C4BPA: variants seen among roughly 807,000 people sequenced by gnomAD.
C4BPA encodes the protein complement component 4 binding protein alpha, also known as C4b-binding protein alpha chain.
Under a neutral mutation model 63.7 loss-of-function variants are expected in C4BPA, and 31 were observed. The ratio of observed to expected loss-of-function variants is 0.49; its 90% CI spans 0.37 to 0.66. C4BPA has a LOEUF of 0.66. Ranked by LOEUF, C4BPA falls within the 30% of genes least tolerant of loss-of-function variation. The probability of loss-of-function intolerance (pLI) is 0.00; values close to 1 mark genes in which losing one functional copy is unlikely to be tolerated. For missense variants in C4BPA, 572 were observed against 723.3 expected, an observed-to-expected ratio of 0.79 and a Z score of 2.40; for synonymous variants, 259 against 254.7, an observed-to-expected ratio of 1.02 and a Z score of -0.16.
At chr1:207,128,791 G>T (rs73079140) in intron 7 of C4BPA, among the ~76,000 whole-genome samples, 8,896 of 152,178 alleles carry the variant, frequency 0.058, 574 homozygotes, top group African/African-American at 0.16. Flanking sequence ...AACAACAACA[G>T]ATCCCAAAGG....
chr1:207,142,918 G>A (rs897499164), intron 10 of C4BPA, among the ~76,000 whole-genome samples: 43 of 152,054 alleles, frequency 2.8e-4, no homozygotes, highest in African/African-American at 1.0e-3. Flanking sequence ...CATTGTGGAA[G>A]ACAGTGTGGC....
At chr1:207,107,244 A>G (rs758306428) in intron 1 of C4BPA, among the ~76,000 whole-genome samples, 5 of 152,192 alleles carry the variant, frequency 3.3e-5, no homozygotes, top group Non-Finnish European at 5.9e-5. Flanking sequence ...AAATGCTTGC[A>G]GGTGTTTTTT....
chr1:207,141,036 T>C, intron 9 of C4BPA, 70 bp from the exon 10 acceptor site: 1 of 1,218,102 alleles, frequency 8.2e-7, no homozygotes, highest in Admixed American at 2.2e-5. Context: ...AAACTACATG[T>C]ATTCTGCAAT....
chr1:207,129,964 C>G (rs1685126777), intron 7 of C4BPA, among the ~76,000 whole-genome samples: 1 of 152,062 alleles, frequency 6.6e-6, no homozygotes, highest in Non-Finnish European at 1.5e-5. Flanking sequence ...TCCCTCCTAC[C>G]TTTCTTGTGA....
chr1:207,117,905 G>A lies in C4BPA; in HGVS notation c.428+2390G>A, dbSNP rs568497857. Among the ~76,000 whole-genome samples, 283 of 152,174 alleles carry A rather than the reference G, an allele frequency of 1.9e-3. 1 individual carries two copies. The highest frequency in any genetic ancestry group is 6.6e-3 in the African/African-American group (275 of 41,512). On this transcript the variant is annotated intron_variant, in intron 4 of 11. Transcript: ENST00000367070. Reference sequence around the variant, plus strand: ...AAAAAACAATCTTTATGCCAAACTGGTCTATTTTGGCATATTCTGCTACCC... The same window carrying A: ...AAAAAACAATCTTTATGCCAAACTGATCTATTTTGGCATATTCTGCTACCC...
chr1:207,126,524 T>A (rs965904256), intron 6 of C4BPA, among the ~76,000 whole-genome samples, 189 bp from the exon 7 acceptor site: 2 of 147,896 alleles, frequency 1.4e-5, no homozygotes, highest in Non-Finnish European at 3.0e-5. Flanking sequence ...ATATATATAT[T>A]ATATATACAG....
intron 4 of C4BPA, among the ~76,000 whole-genome samples, chr1:207,117,598 T>C (rs1684831137): frequency 6.6e-6 from 1 of 152,164 alleles, no homozygotes. Context: ...TAAGTTGACA[T>C]GAAACAGATT....
At chr1:207,117,828 G>T (rs1210782232) in intron 4 of C4BPA, among the ~76,000 whole-genome samples, 1 of 152,146 alleles carries the variant, frequency 6.6e-6, no homozygotes, top group Non-Finnish European at 1.5e-5. Flanking sequence ...AAGAAAAGGG[G>T]AGGTCAGAGT....
chr1:207,122,184 G>A (rs1037278722), intron 4 of C4BPA, among the ~76,000 whole-genome samples: 3 of 152,146 alleles, frequency 2.0e-5, no homozygotes, highest in African/African-American at 7.2e-5. Context: ...TTGGTTGGCT[G>A]TAGTTTGTCC....
At chr1:207,143,440 A>C (rs1434405347) in intron 10 of C4BPA, among the ~76,000 whole-genome samples, 1 of 152,208 alleles carries the variant, frequency 6.6e-6, no homozygotes, top group Non-Finnish European at 1.5e-5. Flanking sequence ...CCTATGTAAC[A>C]AACCTGTAGA....
At chr1:207,144,375 C>T (rs1221146503) in intron 11 of C4BPA, among the ~76,000 whole-genome samples, 169 bp from the exon 12 acceptor site, 3 of 152,198 alleles carry the variant, frequency 2.0e-5, no homozygotes, top group Admixed American at 2.0e-4. Context: ...CCATGTTCCC[C>T]TGGGGAAGAC....
At chr1:207,109,061 G>A (rs1352599068) in intron 1 of C4BPA, among the ~76,000 whole-genome samples, 1 of 152,122 alleles carries the variant, frequency 6.6e-6, no homozygotes, top group Non-Finnish European at 1.5e-5. Context: ...TATGGATGTG[G>A]ATGACTTCCT....
At chr1:207,129,001 A>G (rs1316064773) in intron 7 of C4BPA, among the ~76,000 whole-genome samples, 1 of 152,234 alleles carries the variant, frequency 6.6e-6, no homozygotes, top group East Asian at 1.9e-4. Context: ...CAAAGCAGCT[A>G]TTATAAATAT....
intron 11 of C4BPA, among the ~76,000 whole-genome samples, 162 bp from the exon 12 acceptor site, chr1:207,144,382 A>T (rs1224164942): frequency 6.6e-6 from 1 of 152,182 alleles, no homozygotes; most frequent in African/African-American, 2.4e-5. Context: ...CCCCTGGGGA[A>T]GACTGTGGTG....
Position 207,139,651 on chromosome 1 carries a change from T to G in C4BPA, c.1274-1455T>G, listed in dbSNP as rs1685369903. 3.3e-5 allele frequency among the ~76,000 whole-genome samples: 5 copies of G among 152,192 alleles called. No homozygotes were observed. In the South Asian group the frequency reaches 1.0e-3, roughly 31 times the overall value. ...ACAAACTGGTCTAATAGGAGAGCTA[T>G]AATGGTTCCAGGTATCAATGTCAAC... On this transcript the variant is annotated intron_variant, in intron 9 of 11. Transcript: ENST00000367070.
In C4BPA at chr1:207,130,819, T is replaced by C. The variant is rs146664946; in HGVS notation, c.890-727T>C. ...GGGGGAGGTGGAAATAGGGAGTGACTGATAATGAATATGAGGTTTCTTCTT... is the reference window on the plus strand; with the variant it reads ...GGGGGAGGTGGAAATAGGGAGTGACCGATAATGAATATGAGGTTTCTTCTT... On this transcript the variant is annotated intron_variant, in intron 7 of 11. Transcript: ENST00000367070. Among the ~76,000 whole-genome samples the C allele has an allele frequency of 3.5e-3, 529 of 152,262 alleles. 3 individuals are homozygous for C. The highest frequency in any genetic ancestry group is 0.012 in the African/African-American group (505 of 41,538).
chr1:207,129,194 T>C (rs1336626657), intron 7 of C4BPA, among the ~76,000 whole-genome samples: 1 of 151,662 alleles, frequency 6.6e-6, no homozygotes, highest in East Asian at 1.9e-4. Context: ...AGATTTGAGT[T>C]GGAAAAAGAA....
chr1:207,117,892 T>G (rs1449490200), intron 4 of C4BPA, among the ~76,000 whole-genome samples: 1 of 152,146 alleles, frequency 6.6e-6, no homozygotes, highest in East Asian at 1.9e-4. Context: ...AAAACAATCT[T>G]TATGCCAAAC....
chr1:207,118,167 C>CTA (rs764270901), intron 4 of C4BPA, among the ~76,000 whole-genome samples: 24,458 of 75,232 alleles, frequency 0.33, 3,235 homozygotes, highest in Non-Finnish European at 0.43. Context: ...GTCTGTCTGT[C>CTA]TATCTATCTA....
Sources: gnomAD v4.1 joint callset for allele counts (sites outside exome capture counted in the v4.1 genomes callset) on GRCh38, gnomAD v4.1.1 for gene constraint, MANE v1.5 for transcripts, NCBI Gene and HGNC (gene_info 2026-07-23, HGNC 2026-07-21) for gene names.